The following TLL2 variants were observed in gnomAD, a reference collection of about 807,000 sequenced individuals.
The protein encoded by TLL2 is tolloid like 2.
A neutral mutation model predicts 123.0 loss-of-function variants in TLL2; 106 were observed. The ratio of observed to expected loss-of-function variants is 0.86; its 90% CI spans 0.74 to 1.01. TLL2 has a LOEUF of 1.01. Ranked by LOEUF, TLL2 falls within the 50% of genes least tolerant of loss-of-function variation. The probability of loss-of-function intolerance (pLI) is 0.00; values close to 1 mark genes in which losing one functional copy is unlikely to be tolerated. For synonymous variants in TLL2, 494 were observed against 516.8 expected, an observed-to-expected ratio of 0.96 and a Z score of 0.60; for missense variants, 1,332 against 1,336.7, an observed-to-expected ratio of 1.00 and a Z score of 0.06.
rs1292631717 is a variant in TLL2 at position 96,405,241 on chromosome 10, G to T, written c.1258C>A (p.Pro420Thr). The change falls in exon 10 of 21, where the codon CCC becomes ACC. Residue 420 changes from proline (P) to threonine (T), a missense_variant. Pro to Thr is a conservative substitution (Grantham distance 38). Coordinates refer to ENST00000357947, the MANE Select transcript of TLL2 (RefSeq NM_012465.4). ...EVRDGYWRKA[P>T]LLGRFCGDKI... ...TCTAAAGTCAACTTACCCAAAAGGG[G>T]GGCTTTTCTCCAGTAACCATCCCGG... 6.2e-7 allele frequency: 1 copy of T among 1,614,010 alleles called. No individual in the cohort carries two copies. The highest frequency in any genetic ancestry group is 1.7e-5 in the Admixed American group (1 of 60,016).
intron 7 of TLL2, among the ~76,000 whole-genome samples, chr10:96,418,782 A>G (rs1412470652): frequency 1.3e-5 from 2 of 148,194 alleles, no homozygotes; most frequent in Non-Finnish European, 3.0e-5. Context: ...AATTAAATGA[A>G]TATTGATTTC....
In TLL2 at chr10:96,368,057, T is replaced by C. The variant is rs1846045918; in HGVS notation, c.*31A>G. The C allele has an allele frequency of 1.9e-6, 3 of 1,609,552 alleles. No individual in the cohort carries two copies. Among genetic ancestry groups the C allele is most frequent in the Admixed American group, 1.7e-5 (1 of 59,278 alleles). On this transcript the variant is annotated 3_prime_UTR_variant, in exon 21 of 21. Coordinates refer to ENST00000357947, the MANE Select transcript of TLL2 (RefSeq NM_012465.4). Reference sequence around the variant, plus strand: ...AAAAACAAAACAAAACAAAAAAAATTCTCAGTTTCTGTCTTTCAAGAACAT... The same window carrying C: ...AAAAACAAAACAAAACAAAAAAAATCCTCAGTTTCTGTCTTTCAAGAACAT...
At chr10:96,370,463 A>G (rs1238920609) in intron 19 of TLL2, 148 bp from the exon 20 acceptor site, 2 of 1,170,390 alleles carry the variant, frequency 1.7e-6, no homozygotes, top group Non-Finnish European at 2.3e-6. Context: ...GGAGGAGTAC[A>G]CAGAGGCCCC....
At chr10:96,427,188 T>C (rs1326187546) in intron 5 of TLL2, among the ~76,000 whole-genome samples, 1 of 152,252 alleles carries the variant, frequency 6.6e-6, no homozygotes, top group East Asian at 1.9e-4. Context: ...TTATGTTATG[T>C]CCAGTTTCAC....
chr10:96,491,110 G>T (rs554336667), intron 1 of TLL2, among the ~76,000 whole-genome samples: 1 of 152,352 alleles, frequency 6.6e-6, no homozygotes, highest in East Asian at 1.9e-4. Context: ...GCTGGGCGCG[G>T]TGGCTTTCGC....
Position 96,446,117 on chromosome 10 carries a change from T to C in TLL2, c.338A>G (p.Asp113Gly). 2 of 1,614,172 alleles carry C rather than the reference T, an allele frequency of 1.2e-6. No individual in the cohort carries two copies. Among genetic ancestry groups the C allele is most frequent in the Non-Finnish European group, 1.7e-6 (2 of 1,180,016 alleles). ...CTTTCCAGCTTCCTTGGTGCCAGTG[T>C]CCATGGCTGTGGTGTCTGGGCTGCT... ...SESSPDTTAMDTGTKEAGKDG... is the reference protein window; with the variant it reads ...SESSPDTTAMGTGTKEAGKDG... The change falls in exon 3 of 21, where the codon GAC (aspartate) becomes GGC (glycine). Residue 113 changes from aspartate (D) to glycine (G), a missense_variant. By Grantham distance (94) the Asp-to-Gly change is moderately conservative. Coordinates refer to ENST00000357947, the MANE Select transcript of TLL2 (RefSeq NM_012465.4).
intron 5 of TLL2, among the ~76,000 whole-genome samples, chr10:96,425,247 G>T (rs1020428198): frequency 6.8e-6 from 1 of 146,022 alleles, no homozygotes. Context: ...AGCTACCTCT[G>T]TCATTACTGT....
chr10:96,504,461 T>C (rs951808017), intron 1 of TLL2, among the ~76,000 whole-genome samples: 1 of 151,840 alleles, frequency 6.6e-6, no homozygotes, highest in Non-Finnish European at 1.5e-5. Context: ...AATACAAAAA[T>C]TACCCTGATG....
At chr10:96,446,946 A>G (rs1199776821) in intron 2 of TLL2, among the ~76,000 whole-genome samples, 1 of 152,264 alleles carries the variant, frequency 6.6e-6, no homozygotes, top group Non-Finnish European at 1.5e-5. Flanking sequence ...AAGCTGGACC[A>G]TAAACCGCAG....
rs759423733 is a variant in TLL2, at chr10:96,432,794, T to C, written c.520+13A>G. On this transcript the variant is annotated intron_variant, in intron 4 of 20. Transcript: ENST00000357947. ...ACCCTGACCCAAAGCAGACCTTGTC[T>C]GTGGCTACTGACCAGTGAAGTTCCC... is the stretch of plus-strand genomic sequence containing the variant. 8.3e-5 allele frequency: 134 copies of C among 1,611,674 alleles called. 1 individual carries two copies. Among genetic ancestry groups the C allele is most frequent in the Non-Finnish European group, 1.0e-4 (120 of 1,178,258 alleles).
intron 1 of TLL2, among the ~76,000 whole-genome samples, chr10:96,486,046 T>C (rs970533779): frequency 6.6e-6 from 1 of 152,210 alleles, no homozygotes; most frequent in African/African-American, 2.4e-5. Context: ...AGTTACATAG[T>C]GGTCTTCCAA....
intron 2 of TLL2, among the ~76,000 whole-genome samples, chr10:96,472,222 T>C (rs1051388790): frequency 2.2e-4 from 33 of 152,288 alleles, no homozygotes; most frequent in African/African-American, 6.5e-4. Flanking sequence ...TTGAATCCAA[T>C]GAACTGGCCC....
intron 2 of TLL2, among the ~76,000 whole-genome samples, chr10:96,476,240 A>ATATATATTCTTTTTTTT: frequency 9.8e-5 from 2 of 20,502 alleles, no homozygotes; most frequent in African/African-American, 3.5e-4. Flanking sequence ...ATATATATAT[A>ATATATATTCTTTTTTTT]TTTTATTTTT....
intron 8 of TLL2, among the ~76,000 whole-genome samples, chr10:96,411,370 C>T (rs532638483): frequency 6.6e-6 from 1 of 150,650 alleles, no homozygotes; most frequent in Admixed American, 6.6e-5. Flanking sequence ...TTTCCTCTTC[C>T]TTTTCTGCTA....
rs1224517866 is a variant in TLL2, at chr10:96,365,681, T to C, written c.*2407A>G. 1 of 152,240 alleles carries C rather than the reference T, an allele frequency of 6.6e-6. No individual in the cohort carries two copies. The highest frequency in any genetic ancestry group is 2.4e-5 in the African/African-American group (1 of 41,462). The allele number at this position is 152,240 out of a possible 1,614,324, so 9.4% of individuals were successfully genotyped here. A position where few individuals can be genotyped will look rare whatever the true frequency, so the allele number is the denominator to read the frequency against. On this transcript the variant is annotated 3_prime_UTR_variant, in exon 21 of 21. Coordinates refer to ENST00000357947, the MANE Select transcript of TLL2 (RefSeq NM_012465.4). ...GACTTTCTGCTGAATGGACTCTCTC[T>C]AGTGAAGCCAGCCTCTAGTTTCTTT...
chr10:96,470,936 C>T (rs1847175221), intron 2 of TLL2, among the ~76,000 whole-genome samples: 1 of 152,202 alleles, frequency 6.6e-6, no homozygotes. Context: ...TGAATCCATT[C>T]TCAGATCCCT....
intron 4 of TLL2, among the ~76,000 whole-genome samples, chr10:96,431,396 C>T (rs1846738877): frequency 6.6e-6 from 1 of 152,164 alleles, no homozygotes. Context: ...CCCTAACTTA[C>T]TCATCAGCGA....
intron 16 of TLL2, among the ~76,000 whole-genome samples, chr10:96,382,342 T>C (rs1846193695): frequency 6.6e-6 from 1 of 152,232 alleles, no homozygotes; most frequent in Non-Finnish European, 1.5e-5. Context: ...AATTTCAAGA[T>C]GATGACAACA....
chr10:96,463,548 C>G (rs1847101425), intron 2 of TLL2, among the ~76,000 whole-genome samples: 1 of 152,200 alleles, frequency 6.6e-6, no homozygotes, highest in African/African-American at 2.4e-5. Flanking sequence ...GGTTCCACAA[C>G]TGACACAAAT....
Sources: gnomAD v4.1 joint callset for allele counts (sites outside exome capture counted in the v4.1 genomes callset) on GRCh38, gnomAD v4.1.1 for gene constraint, MANE v1.5 for transcripts, NCBI Gene and HGNC (gene_info 2026-07-23, HGNC 2026-07-21) for gene names.